The following ANXA2 variants were observed in gnomAD, a reference collection of about 807,000 sequenced individuals.
The protein encoded by ANXA2 is annexin A2.
A neutral mutation model predicts 47.3 loss-of-function variants in ANXA2; 28 were observed. The ratio of observed to expected loss-of-function variants is 0.59; its 90% confidence interval spans 0.44 to 0.81. ANXA2 has a LOEUF of 0.81. ANXA2 is among the 40% of genes least tolerant of loss of function. The pLI is 0.00. For synonymous variants in ANXA2, 172 were observed against 155.5 expected, an observed-to-expected ratio of 1.11 and a Z score of -0.79; for missense variants, 384 against 414.3, an observed-to-expected ratio of 0.93 and a Z score of 0.64.
intron 10 of ANXA2, 122 bp from the exon 11 acceptor site, chr15:60,351,373 G>T: frequency 1.0e-6 from 1 of 954,444 alleles, no homozygotes; most frequent in Non-Finnish European, 1.7e-6. Flanking sequence ...GAAAAGGGCT[G>T]CAAAATAGGA....
At chr15:60,378,505 C>A (rs919208889) in intron 3 of ANXA2, among the ~76,000 whole-genome samples, 3 of 152,138 alleles carry the variant, frequency 2.0e-5, no homozygotes, top group African/African-American at 7.2e-5. Context: ...TCTTTCACTA[C>A]CATAACCAAT....
In ANXA2 at chr15:60,361,064, A is replaced by T; in HGVS notation, c.244-10T>A. The T allele has an allele frequency of 6.4e-7, 1 of 1,550,486 alleles. No homozygotes were observed. On this transcript the variant is annotated splice_polypyrimidine_tract_variant and intron_variant, in intron 4 of 12. Transcript: ENST00000451270. The stretch of plus-strand genomic sequence containing the variant: ...GTGCTGATGCAAGTTCCTTCAAGAT[A>T]ACAGGCAATCATAAGGAAAATATTT...
chr15:60,355,689 T>G, intron 7 of ANXA2: 1 of 592,150 alleles, frequency 1.7e-6, no homozygotes, highest in African/African-American at 1.8e-5. Context: ...GAGCCGCCCA[T>G]CCCTTCTCTG....
At chr15:60,376,212 T>C (rs2062775290) in intron 3 of ANXA2, among the ~76,000 whole-genome samples, 2 of 151,890 alleles carry the variant, frequency 1.3e-5, no homozygotes, top group African/African-American at 4.8e-5. Context: ...ACACCATCTC[T>C]ACTAAAAATG....
chr15:60,355,821 G>A lies in ANXA2; in HGVS notation c.528+98C>T, dbSNP rs775939920. The A allele has an allele frequency of 4.9e-6, 5 of 1,023,262 alleles. No homozygotes were observed. The African/African-American group carries it at 6.3e-5, about 13-fold the overall frequency. 63.4% of individuals were successfully genotyped at this position (1,023,262 alleles called of 1,614,324 possible). A position where few individuals can be genotyped will look rare whatever the true frequency, so the allele number is the denominator to read the frequency against. On this transcript the variant is annotated intron_variant, in intron 7 of 12. Coordinates refer to ENST00000451270, the MANE Select transcript of ANXA2 (RefSeq NM_004039.3). ...AAAATGCAGCTGAATTTCTGATGCA[G>A]GCACAGGGGATTTAGTTAATTCACT...
At chr15:60,353,981 T>A (rs2062386353) in intron 8 of ANXA2, among the ~76,000 whole-genome samples, 173 bp downstream of exon 8, 1 of 152,160 alleles carries the variant, frequency 6.6e-6, no homozygotes, top group African/African-American at 2.4e-5. Context: ...CCAGAACAAT[T>A]GGGCTAATCT....
At chr15:60,382,548 C>A in intron 2 of ANXA2, 107 bp from the exon 3 acceptor site, 1 of 745,710 alleles carries the variant, frequency 1.3e-6, no homozygotes, top group Non-Finnish European at 2.2e-6. Flanking sequence ...CAATTCAGAT[C>A]ATTCTCATAC....
intron 3 of ANXA2, among the ~76,000 whole-genome samples, chr15:60,368,037 T>A (rs1340440100): frequency 7.7e-6 from 1 of 129,792 alleles, no homozygotes; most frequent in East Asian, 2.1e-4. Context: ...CTCTGAAACA[T>A]GTGCTGCGTC....
chr15:60,382,156 AAAAG>A (rs922190510), intron 3 of ANXA2, among the ~76,000 whole-genome samples, 182 bp downstream of exon 3: 19 of 151,834 alleles, frequency 1.3e-4, no homozygotes, highest in African/African-American at 3.4e-4. Flanking sequence ...GAGAAAAGGA[AAAAG>A]AAAGAAAGGA....
intron 3 of ANXA2, among the ~76,000 whole-genome samples, chr15:60,378,297 G>A (rs972903624): frequency 2.0e-5 from 3 of 152,244 alleles, no homozygotes; most frequent in East Asian, 1.9e-4. Flanking sequence ...TAGGCAAATC[G>A]TATGGCAGAT....
rs572053329 is a variant in ANXA2, at chr15:60,352,232, G to A, written c.682+151C>T. ...TGCAAGAGAAAAGAATCCAGAATGGGAGAGAAAGGTGAGGGAAAATGGGTG... is the reference window on the plus strand; with the variant it reads ...TGCAAGAGAAAAGAATCCAGAATGGAAGAGAAAGGTGAGGGAAAATGGGTG... On this transcript the variant is annotated intron_variant, in intron 9 of 12. Coordinates refer to ENST00000451270, the MANE Select transcript of ANXA2 (RefSeq NM_004039.3). This position sits in a 1 kb window ranked among gnomAD's most constrained non-coding sequence, Gnocchi z 4.2. The A allele has an allele frequency of 5.1e-6, 3 of 583,622 alleles. No homozygotes were observed. The highest frequency in any genetic ancestry group is 3.2e-5 in the Admixed American group (1 of 30,948). The allele number at this position is 583,622 out of a possible 1,614,324, so 36.2% of individuals were successfully genotyped here. A position where few individuals can be genotyped will look rare whatever the true frequency, so the allele number is the denominator to read the frequency against.
chr15:60,372,606 G>A (rs759595147), intron 3 of ANXA2, among the ~76,000 whole-genome samples: 15 of 151,762 alleles, frequency 9.9e-5, no homozygotes, highest in Non-Finnish European at 1.9e-4. Context: ...GTAGATTTTG[G>A]TCCAGTAGAA....
intron 3 of ANXA2, among the ~76,000 whole-genome samples, chr15:60,381,063 C>T (rs577410157): frequency 1.4e-4 from 21 of 152,120 alleles, no homozygotes; most frequent in Admixed American, 5.2e-4. Flanking sequence ...GAAAGGTGAC[C>T]ATGTAATGTA....
chr15:60,364,588 G>T (rs142566008), intron 3 of ANXA2, 65 bp from the exon 4 acceptor site: 3 of 1,256,026 alleles, frequency 2.4e-6, no homozygotes, highest in East Asian at 2.4e-5. Flanking sequence ...TACATAGAAG[G>T]TGTCAAGCAG....
intron 1 of ANXA2, chr15:60,391,025 A>G (rs916590773): frequency 1.0e-4 from 16 of 152,640 alleles, no homozygotes; most frequent in African/African-American, 2.9e-4. Context: ...ACCCATACCA[A>G]GCATACGCTG....
chr15:60,366,067 T>C (rs2062593942), intron 3 of ANXA2, among the ~76,000 whole-genome samples: 1 of 131,470 alleles, frequency 7.6e-6, no homozygotes, highest in South Asian at 2.7e-4. Context: ...GCCGGGCTGG[T>C]CTCCAGCTCC....
rs191054367 is a variant in ANXA2, at chr15:60,363,909, T to C, written c.243+520A>G. 1.0e-3 allele frequency among the ~76,000 whole-genome samples: 153 copies of C among 152,362 alleles called. 1 individual carries two copies. In the Middle Eastern group the frequency reaches 0.017, roughly 17 times the overall value. ...AAGTCATAAAGATGAAATGAGTTGC[T>C]ACATGTACAAAACTGAGCACAGTGC... On this transcript the variant is annotated intron_variant, in intron 4 of 12. Transcript: ENST00000451270.
In ANXA2 at chr15:60,357,202, A is replaced by G; in HGVS notation, c.392T>C (p.Ile131Thr). ...LGTDEDSLIE[I>T]ICSRTNQELQ... ...CTCCTGGTTGGTTCTGGAGCAGATG[A>G]TCTCAATGAGAGAGTCCTCGTCGGT... Residue 131 changes from isoleucine to threonine, a missense_variant, in exon 6 of 13, where the codon ATC (isoleucine) becomes ACC (threonine). Coordinates refer to ENST00000451270, the MANE Select transcript of ANXA2 (RefSeq NM_004039.3). 1 of 1,614,190 alleles carries G rather than the reference A, an allele frequency of 6.2e-7. No individual in the cohort carries two copies. Among genetic ancestry groups the G allele is most frequent in the Non-Finnish European group, 8.5e-7 (1 of 1,180,018 alleles).
chr15:60,362,033 C>CA (rs1392997953), intron 4 of ANXA2, among the ~76,000 whole-genome samples: 1 of 151,976 alleles, frequency 6.6e-6, no homozygotes, highest in Non-Finnish European at 1.5e-5. Flanking sequence ...GCTTCAGAGA[C>CA]AACCATGCTG....
Sources: gnomAD v4.1 joint callset for allele counts (sites outside exome capture counted in the v4.1 genomes callset) on GRCh38, gnomAD v4.1.1 for gene constraint, Gnocchi (gnomAD v3.1) non-coding constraint, MANE v1.5 for transcripts, NCBI Gene and HGNC (gene_info 2026-07-23, HGNC 2026-07-21) for gene names.